Variants in ZNF14 observed in about 807,000 individuals in gnomAD.
The protein encoded by ZNF14 is gonadotropin inducible transcription repressor-4.
A neutral mutation model predicts 11.3 loss-of-function variants in ZNF14; 9 were observed. The observed-to-expected ratio is 0.80, with a 90% CI of 0.48 to 1.39. The LOEUF (loss-of-function observed/expected upper bound fraction) is 1.39, where lower values mean the gene tolerates loss of function less well. Among genes scored for constraint, ZNF14 ranks in the 40% most tolerant of loss-of-function variants. The pLI is 0.00. For missense variants in ZNF14, 711 were observed against 763.9 expected (o/e 0.93, Z 0.82); for synonymous variants, 239 against 245.7 (o/e 0.97, Z 0.25).
chr19:19,721,035 G>C (rs1343160187), intron 1 of ZNF14, among the ~76,000 whole-genome samples: 1 of 152,194 alleles, frequency 6.6e-6, no homozygotes, highest in Non-Finnish European at 1.5e-5. Flanking sequence ...TTGGCTCACT[G>C]CAACCTCCAC....
chr19:19,714,574 A>G, intron 1 of ZNF14, 87 bp from the exon 2 acceptor site: 1 of 1,472,388 alleles, frequency 6.8e-7, no homozygotes, highest in South Asian at 1.4e-5. Context: ...GTTCCCATAC[A>G]ATTCTGTGTT....
In ZNF14 at chr19:19,712,977, G is replaced by C; in HGVS notation, c.304C>G (p.Pro102Ala). The C allele has an allele frequency of 3.1e-6, 5 of 1,614,086 alleles. No homozygotes were observed. The highest frequency in any genetic ancestry group is 4.2e-6 in the Non-Finnish European group (5 of 1,180,018). The change falls in exon 4 of 4, where the codon CCA (proline) becomes GCA (alanine). Residue 102 changes from proline (P) to alanine (A), a missense_variant. By Grantham distance (27) the Pro-to-Ala change is conservative (BLOSUM62 -1). Coordinates refer to ENST00000344099, the MANE Select transcript of ZNF14 (RefSeq NM_021030.3). ...INKETFTGAK[P>A]HECSFCGRDF... is the part of the protein sequence containing the mutation. ...CTTCCACAAAAGCTGCATTCATGTGGTTTTGCTCCAGTAAAAGTTTCCTTG... is the reference window on the plus strand; with the variant it reads ...CTTCCACAAAAGCTGCATTCATGTGCTTTTGCTCCAGTAAAAGTTTCCTTG...
rs193279150 is a variant in ZNF14, at chr19:19,711,283, A to G, written c.*69T>C. On this transcript the variant is annotated 3_prime_UTR_variant, in exon 4 of 4. Transcript: ENST00000344099. ...GTTTGTATTCACACAGCTTCTGTCC[A>G]GTATGAACTCTTTTGTGTATTCAGA... The G allele has an allele frequency of 8.1e-5, 120 of 1,481,002 alleles. 1 individual carries two copies. In the African/African-American group the frequency reaches 1.6e-3, roughly 19 times the overall value. The allele number at this position is 1,481,002 out of a possible 1,614,324, so 91.7% of individuals were successfully genotyped here.
chr19:19,714,214 C>T, intron 2 of ZNF14, 63 bp from the exon 3 acceptor site: 1 of 1,592,618 alleles, frequency 6.3e-7, no homozygotes, highest in Non-Finnish European at 8.6e-7. Flanking sequence ...TTGTTACAGT[C>T]TAGTTTCATG....
At chr19:19,729,244 G>T (rs2062416118) in intron 1 of ZNF14, among the ~76,000 whole-genome samples, 1 of 151,064 alleles carries the variant, frequency 6.6e-6, no homozygotes, top group East Asian at 2.0e-4. Flanking sequence ...CCAAAGTGCT[G>T]GGATTACAGG....
chr19:19,721,418 A>G (rs552074899), intron 1 of ZNF14, among the ~76,000 whole-genome samples: 20 of 152,358 alleles, frequency 1.3e-4, no homozygotes, highest in African/African-American at 4.8e-4. Context: ...TATTGACTAC[A>G]GGTAAAAGAG....
rs191281656 is a variant in ZNF14 at position 19,728,868 on chromosome 19, T to C, written c.3+4088A>G. ...TTTGAGAAATTTTGCCTTCCAACCT[T>C]GTTATAATTATGCCAAAAGTCAAAC... On this transcript the variant is annotated intron_variant, in intron 1 of 3. Transcript: ENST00000344099. Among the ~76,000 whole-genome samples the C allele has an allele frequency of 5.3e-5, 8 of 151,872 alleles. 1 individual carries two copies. Among genetic ancestry groups the C allele is most frequent in the Admixed American group, 2.0e-4 (3 of 15,220 alleles).
At chr19:19,719,055 C>G (rs113471061) in intron 1 of ZNF14, among the ~76,000 whole-genome samples, 1,534 of 152,144 alleles carry the variant, frequency 0.01, 25 homozygotes, top group African/African-American at 0.035. Flanking sequence ...CGTGAGCCAC[C>G]AGGACCAGCC....
intron 1 of ZNF14, among the ~76,000 whole-genome samples, chr19:19,722,602 C>T (rs1342723548): frequency 6.6e-6 from 1 of 152,130 alleles, no homozygotes; most frequent in Non-Finnish European, 1.5e-5. Flanking sequence ...TTTTCCAATT[C>T]TGTGAAGAAA....
intron 1 of ZNF14, among the ~76,000 whole-genome samples, chr19:19,714,713 C>CTT (rs3031866): frequency 4.9e-5 from 6 of 122,846 alleles, no homozygotes; most frequent in African/African-American, 1.8e-4. Flanking sequence ...TTTTCTTTTT[C>CTT]TTTTTTTTTT....
At chr19:19,723,389 G>A (rs1258651731) in intron 1 of ZNF14, among the ~76,000 whole-genome samples, 2 of 152,114 alleles carry the variant, frequency 1.3e-5, no homozygotes, top group African/African-American at 4.8e-5. Context: ...TACATTTATT[G>A]ATTTGTGTAT....
In ZNF14 at chr19:19,711,313, G is replaced by A. The variant is rs1039735403; in HGVS notation, c.*39C>T. 3 of 1,521,654 alleles carry A rather than the reference G, an allele frequency of 2.0e-6. No homozygotes were observed. The highest frequency in any genetic ancestry group is 2.6e-6 in the Non-Finnish European group (3 of 1,138,894). 94.3% of individuals were successfully genotyped at this position (1,521,654 alleles called of 1,614,324 possible). ...GAACTCTTTTGTGTATTCAGAAGGA[G>A]CTGGAACAACCGAAGGCTTCAGAAT... On this transcript the variant is annotated 3_prime_UTR_variant, in exon 4 of 4. Transcript: ENST00000344099.
chr19:19,728,121 A>C (rs1282613779), intron 1 of ZNF14, among the ~76,000 whole-genome samples: 3 of 132,206 alleles, frequency 2.3e-5, no homozygotes, highest in Non-Finnish European at 5.0e-5. Flanking sequence ...TGTCTCAAAC[A>C]AAACAAAACA....
chr19:19,726,958 G>A (rs1048364240), intron 1 of ZNF14, among the ~76,000 whole-genome samples: 2 of 133,750 alleles, frequency 1.5e-5, no homozygotes, highest in African/African-American at 5.5e-5. Context: ...GGGTGGAAGT[G>A]TCCCGATTTT....
intron 1 of ZNF14, among the ~76,000 whole-genome samples, chr19:19,725,270 C>T (rs1264041983): frequency 1.5e-5 from 2 of 133,256 alleles, no homozygotes; most frequent in Admixed American, 1.5e-4. Context: ...TTAGGGCAGG[C>T]CTGGTGGTGA....
intron 1 of ZNF14, among the ~76,000 whole-genome samples, 186 bp from the exon 2 acceptor site, chr19:19,714,673 A>C (rs747099619): frequency 2.6e-5 from 4 of 151,556 alleles, no homozygotes; most frequent in Non-Finnish European, 5.9e-5. Flanking sequence ...ATGAACACAC[A>C]GAAATTACTT....
In ZNF14 at chr19:19,731,918, A is replaced by T. The variant is rs188846807; in HGVS notation, c.3+1038T>A. The stretch of plus-strand genomic sequence containing the variant: ...CCGTCTCTACTAAAAATACAAAAAA[A>T]TTAGCTGGGCGTGGTGGCGGGCGCC... On this transcript the variant is annotated intron_variant, in intron 1 of 3. Transcript: ENST00000344099. 5.7e-3 allele frequency among the ~76,000 whole-genome samples: 866 copies of T among 152,256 alleles called. 9 individuals are homozygous for T. Among genetic ancestry groups the T allele is most frequent in the Non-Finnish European group, 9.7e-3 (660 of 68,018 alleles).
Position 19,712,076 on chromosome 19 carries a change from A to G in ZNF14, c.1205T>C (p.Phe402Ser). 1.9e-6 allele frequency: 3 copies of G among 1,613,060 alleles called. No homozygotes were observed. In the Middle Eastern group the frequency reaches 5.0e-4, roughly 267 times the overall value. Reference protein sequence around the residue: ...ECKQCHKTFSFSSSLREHETT... With the variant: ...ECKQCHKTFSSSSSLREHETT... ...TTCGTGTTCTCGAAGGGAACTTGAA[A>G]AACTGAAGGTTTTATGACACTGTTT... The change falls in exon 4 of 4, where the codon TTT becomes TCT. Residue 402 changes from phenylalanine to serine, a missense_variant. By Grantham distance (155) the Phe-to-Ser change is radical. Transcript: ENST00000344099.
chr19:19,719,797 G>C (rs542862918), intron 1 of ZNF14, among the ~76,000 whole-genome samples: 1 of 152,292 alleles, frequency 6.6e-6, no homozygotes, highest in African/African-American at 2.4e-5. Flanking sequence ...ATGGTGGACA[G>C]ATACTGTCAA....
Sources: allele counts gnomAD v4.1 joint callset (sites outside exome capture counted in the v4.1 genomes callset), GRCh38; gene constraint gnomAD v4.1.1; transcripts MANE v1.5; gene names NCBI Gene and HGNC (gene_info 2026-07-23, HGNC 2026-07-21).